Variants in TNPO1 observed in about 807,000 individuals in gnomAD.
The protein encoded by TNPO1 is transportin-1.
Under a neutral mutation model 119.5 loss-of-function variants are expected in TNPO1, and 8 were observed. That is an observed-to-expected ratio of 0.07 (90% CI 0.04 to 0.12). The LOEUF is 0.12. TNPO1 is among the 10% of genes least tolerant of loss of function. TNPO1 has a pLI of 1.00. For missense variants in TNPO1, 576 were observed against 1,089.8 expected (o/e 0.53, Z 6.64); for synonymous variants, 362 against 363.0 (o/e 1.00, Z 0.03).
intron 1 of TNPO1, among the ~76,000 whole-genome samples, chr5:72,835,762 C>T (rs1283480287): frequency 6.6e-6 from 1 of 152,136 alleles, no homozygotes; most frequent in East Asian, 1.9e-4. Flanking sequence ...CCAAGAGCCC[C>T]AGAAGTCTTA....
intron 23 of TNPO1, 126 bp from the exon 24 acceptor site, chr5:72,905,177 T>G: frequency 1.4e-6 from 1 of 702,614 alleles, no homozygotes; most frequent in Non-Finnish European, 2.4e-6. Context: ...TCCTACGAAG[T>G]TTGAGAATTG....
At chr5:72,893,052 C>G (rs1749180755) in intron 15 of TNPO1, 87 bp from the exon 16 acceptor site, 3 of 970,764 alleles carry the variant, frequency 3.1e-6, no homozygotes, top group South Asian at 3.0e-5. Context: ...CATAAATGAT[C>G]AGGATCCTGT....
chr5:72,876,079 A>G (rs1298130426), intron 8 of TNPO1, among the ~76,000 whole-genome samples: 2 of 152,214 alleles, frequency 1.3e-5, no homozygotes, highest in African/African-American at 2.4e-5. Flanking sequence ...AACTTTACAC[A>G]TGGCTGCATG....
intron 1 of TNPO1, 192 bp downstream of exon 1, chr5:72,816,944 G>A: frequency 3.3e-6 from 2 of 599,638 alleles, no homozygotes; most frequent in Non-Finnish European, 5.4e-6. Flanking sequence ...CAGGCGCCCT[G>A]CGGGACCCGG....
In TNPO1 at chr5:72,897,014, A is replaced by AT. The variant is rs745628904; in HGVS notation, c.2243-36dup. 9.6e-6 allele frequency: 13 copies of AT among 1,358,330 alleles called. No individual in the cohort carries two copies. In the African/African-American group the frequency reaches 1.0e-4, roughly 11 times the overall value. 84.1% of individuals were successfully genotyped at this position (1,358,330 alleles called of 1,614,324 possible). A position where few individuals can be genotyped will look rare whatever the true frequency, so the allele number is the denominator to read the frequency against. On this transcript the variant is annotated intron_variant, in intron 19 of 24. Coordinates refer to ENST00000337273, the MANE Select transcript of TNPO1 (RefSeq NM_002270.4). ...TTTCACATTGATATTTTAACGTTCAATTTTTTCTTTTTTGTTTTTTTCTTT... is the reference window on the plus strand; with the variant it reads ...TTTCACATTGATATTTTAACGTTCAATTTTTTTCTTTTTTGTTTTTTTCTTT...
chr5:72,830,726 T>G (rs1361824130), intron 1 of TNPO1, among the ~76,000 whole-genome samples: 1 of 152,212 alleles, frequency 6.6e-6, no homozygotes, highest in African/African-American at 2.4e-5. Flanking sequence ...TTTTTTAAAT[T>G]GAGGTATCGT....
At chr5:72,885,872 C>T (rs1282497216) in intron 11 of TNPO1, among the ~76,000 whole-genome samples, 1 of 151,920 alleles carries the variant, frequency 6.6e-6, no homozygotes, top group Non-Finnish European at 1.5e-5. Flanking sequence ...AACAGGATAC[C>T]TGAAGTTCAG....
intron 3 of TNPO1, among the ~76,000 whole-genome samples, chr5:72,855,230 C>A (rs1264157977): frequency 1.3e-5 from 2 of 151,648 alleles, no homozygotes; most frequent in South Asian, 2.1e-4. Context: ...TCCTGGCCTT[C>A]CAAAGTGCTG....
At chr5:72,872,101 A>G (rs1747446945) in intron 6 of TNPO1, among the ~76,000 whole-genome samples, 2 of 152,218 alleles carry the variant, frequency 1.3e-5, no homozygotes, top group South Asian at 4.1e-4. Flanking sequence ...AATGGAAGTC[A>G]GGAAACCAAG....
rs567150143 is a variant in TNPO1 at position 72,843,215 on chromosome 5, G to C, written c.16-5170G>C. Among the ~76,000 whole-genome samples the C allele has an allele frequency of 2.0e-5, 3 of 152,286 alleles. No individual in the cohort carries two copies. In the East Asian group the frequency reaches 5.8e-4, roughly 29 times the overall value. Reference sequence around the variant, plus strand: ...CAAAGGTGTAAGAAATCTGTTTATAGATATCAGAGCCAAGAGCCTAACTCA... The same window carrying C: ...CAAAGGTGTAAGAAATCTGTTTATACATATCAGAGCCAAGAGCCTAACTCA... On this transcript the variant is annotated intron_variant, in intron 1 of 24. Transcript: ENST00000337273.
At chr5:72,858,316 T>C (rs1458482179) in intron 4 of TNPO1, among the ~76,000 whole-genome samples, 2 of 152,318 alleles carry the variant, frequency 1.3e-5, no homozygotes, top group East Asian at 3.9e-4. Context: ...TTTTCTATTT[T>C]TATATATGTA....
At chr5:72,818,240 A>G (rs1387923462) in intron 1 of TNPO1, among the ~76,000 whole-genome samples, 2 of 152,246 alleles carry the variant, frequency 1.3e-5, no homozygotes, top group African/African-American at 2.4e-5. Context: ...AAATATCTAT[A>G]AAAATCTTGT....
At chr5:72,900,107 T>A (rs781036390) in intron 21 of TNPO1, 26 bp downstream of exon 21, 55 of 1,574,444 alleles carry the variant, frequency 3.5e-5, no homozygotes, top group Non-Finnish European at 4.6e-5. Flanking sequence ...TCTTTTTTTT[T>A]AATTCATTTT....
chr5:72,872,590 A>T, intron 6 of TNPO1, 49 bp from the exon 7 acceptor site: 2 of 1,350,512 alleles, frequency 1.5e-6, no homozygotes, highest in Non-Finnish European at 2.1e-6. Flanking sequence ...TTCTATAGAT[A>T]GAACAAAGTT....
chr5:72,834,245 G>T (rs895542945), intron 1 of TNPO1, among the ~76,000 whole-genome samples: 1 of 152,090 alleles, frequency 6.6e-6, no homozygotes, highest in Non-Finnish European at 1.5e-5. Flanking sequence ...ACTATTATTG[G>T]TTCATGTATT....
chr5:72,829,566 AT>A (rs1222066242), intron 1 of TNPO1, among the ~76,000 whole-genome samples: 1 of 152,242 alleles, frequency 6.6e-6, no homozygotes, highest in Non-Finnish European at 1.5e-5. Context: ...GGCTTGGAGA[AT>A]TTCAGTAGCA....
At chr5:72,904,503 A>G (rs1356082442) in intron 23 of TNPO1, among the ~76,000 whole-genome samples, 1 of 152,204 alleles carries the variant, frequency 6.6e-6, no homozygotes, top group Non-Finnish European at 1.5e-5. Context: ...GCTGATAAAG[A>G]TATGCCCAAG....
chr5:72,859,727 C>T (rs1365515995), intron 4 of TNPO1, among the ~76,000 whole-genome samples: 2 of 152,112 alleles, frequency 1.3e-5, no homozygotes, highest in African/African-American at 4.8e-5. Flanking sequence ...TGTACAATTA[C>T]AGGAAGATTT....
chr5:72,863,958 T>C (rs1012528844), intron 5 of TNPO1, among the ~76,000 whole-genome samples: 3 of 152,190 alleles, frequency 2.0e-5, no homozygotes, highest in Non-Finnish European at 2.9e-5. Context: ...GTGTACTACA[T>C]AGAAGTCATA....
Sources: allele counts gnomAD v4.1 joint callset (sites outside exome capture counted in the v4.1 genomes callset), GRCh38; gene constraint gnomAD v4.1.1; transcripts MANE v1.5; gene names NCBI Gene and HGNC (gene_info 2026-07-23, HGNC 2026-07-21).